The following P2RX5 variants were observed in gnomAD, a reference collection of about 807,000 sequenced individuals.
P2RX5 encodes the protein P2X purinoceptor 5.
P2RX5 carries 46 observed loss-of-function variants against 54.1 expected under a neutral mutation model. That is an observed-to-expected ratio of 0.85 (90% CI 0.67 to 1.09). P2RX5 has a LOEUF of 1.09. Among genes scored for constraint, P2RX5 ranks in the 50% least tolerant of loss-of-function variants. P2RX5 has a pLI of 0.00. For synonymous variants in P2RX5, 226 were observed against 226.4 expected, an observed-to-expected ratio of 1.00 and a Z score of 0.02; for missense variants, 566 against 549.8, an observed-to-expected ratio of 1.03 and a Z score of -0.29.
the P2RX5 span, among the ~76,000 whole-genome samples, chr17:3,712,782 A>G: frequency 6.6e-6 from 1 of 152,064 alleles, no homozygotes; most frequent in African/African-American, 2.4e-5. Context: ...ATCTCTACTA[A>G]AAGTGCAAAA....
chr17:3,675,972 G>A, intron 11 of P2RX5: 2 of 985,362 alleles, frequency 2.0e-6, no homozygotes, highest in Non-Finnish European at 2.4e-6. Flanking sequence ...CCATGTCCCT[G>A]GGCCCCTGAC....
At chr17:3,681,763 A>G (rs1401211538) in intron 10 of P2RX5, 133 bp downstream of exon 10, 1 of 716,838 alleles carries the variant, frequency 1.4e-6, no homozygotes, top group Non-Finnish European at 2.5e-6. Flanking sequence ...TACTCAGAAC[A>G]CTTCTCCTCC....
chr17:3,699,781 G>A (rs1396076752), upstream of P2RX5, among the ~76,000 whole-genome samples: 2 of 148,238 alleles, frequency 1.3e-5, no homozygotes, highest in Non-Finnish European at 1.5e-5. Context: ...CTCCAGCCTG[G>A]GTGACAGAGT....
chr17:3,692,189 C>T (rs1200726986), intron 1 of P2RX5, among the ~76,000 whole-genome samples: 4 of 150,472 alleles, frequency 2.7e-5, no homozygotes, highest in African/African-American at 4.9e-5. Flanking sequence ...TGGTGGTGGG[C>T]GCCTGTAGTC....
At chr17:3,696,235 A>C, upstream of P2RX5, 1 of 321,798 alleles carries the variant, frequency 3.1e-6, no homozygotes. Flanking sequence ...CGAGCACCGG[A>C]ACCTCAGACC....
At chr17:3,720,788 G>A in the P2RX5 span, among the ~76,000 whole-genome samples, 3 of 152,096 alleles carry the variant, frequency 2.0e-5, no homozygotes, top group South Asian at 6.2e-4. Context: ...TTGCCATGTT[G>A]GCCAGGCTTG....
the P2RX5 span, among the ~76,000 whole-genome samples, chr17:3,713,032 C>CG: frequency 6.6e-6 from 1 of 151,916 alleles, no homozygotes; most frequent in Admixed American, 6.6e-5. Context: ...TCTAAACAGT[C>CG]GGGGGAAAAA....
In P2RX5 at chr17:3,688,551, A is replaced by G; in HGVS notation, c.887+75T>C. On this transcript the variant is annotated intron_variant, in intron 8 of 11. Coordinates refer to ENST00000225328, the MANE Select transcript of P2RX5 (RefSeq NM_002561.4). ...ACACCCACCCCCAGGAAGGGGCCTCAATAGTGCTGGCACCCAGATGAGTGA... is the reference window on the plus strand; with the variant it reads ...ACACCCACCCCCAGGAAGGGGCCTCGATAGTGCTGGCACCCAGATGAGTGA... 8 of 1,543,184 alleles carry G rather than the reference A, an allele frequency of 5.2e-6. No homozygotes were observed. The East Asian group carries it at 1.6e-4, about 30-fold the overall frequency.
chr17:3,719,235 C>CAAAAAAA, the P2RX5 span, among the ~76,000 whole-genome samples: 4 of 66,206 alleles, frequency 6.0e-5, no homozygotes, highest in African/African-American at 2.3e-4. Flanking sequence ...GATTCTTCCT[C>CAAAAAAA]AAAAAAAAAA....
upstream of P2RX5, among the ~76,000 whole-genome samples, chr17:3,699,853 A>AAAAGAAAGAAAGAAAG (rs752465811): frequency 2.8e-3 from 227 of 80,806 alleles, 13 homozygotes; most frequent in East Asian, 7.4e-3. Context: ...AGAAAAAGAA[A>AAAAGAAAGAAAGAAAG]AAAGAAAGAA....
the P2RX5 span, among the ~76,000 whole-genome samples, chr17:3,707,657 C>T: frequency 6.6e-6 from 1 of 152,236 alleles, no homozygotes; most frequent in East Asian, 1.9e-4. Context: ...AGACCCCCCT[C>T]TCGGCCCTGG....
chr17:3,711,928 G>A, the P2RX5 span, among the ~76,000 whole-genome samples: 1 of 126,076 alleles, frequency 7.9e-6, no homozygotes, highest in East Asian at 2.1e-4. Context: ...TCCTCATTAA[G>A]TAGTTCCTGA....
chr17:3,681,927 A>C lies in P2RX5; in HGVS notation c.1033T>G (p.Phe345Val), dbSNP rs1567731738. 6.2e-7 allele frequency: 1 copy of C among 1,613,574 alleles called. No homozygotes were observed. Among genetic ancestry groups the C allele is most frequent in the Non-Finnish European group, 8.5e-7 (1 of 1,179,700 alleles). The change falls in exon 10 of 12, where the codon TTT (phenylalanine) becomes GTT (valine). Residue 345 changes from phenylalanine to valine, a missense_variant. Coordinates refer to ENST00000225328, the MANE Select transcript of P2RX5 (RefSeq NM_002561.4). The part of the protein sequence containing the change: ...VLIYLIKKRE[F>V]YRDKKYEEVR... The stretch of plus-strand genomic sequence containing the variant: ...TCCTCGTACTTCTTGTCACGGTAAA[A>C]CTCTCTCTTTTTGATGAGGTAGATG...
At chr17:3,675,740 A>C in intron 11 of P2RX5, 1 of 654,528 alleles carries the variant, frequency 1.5e-6, no homozygotes. Flanking sequence ...TTTAGTAGAG[A>C]TGGGGTTTTG....
chr17:3,676,648 G>A lies in P2RX5; in HGVS notation c.1260-2771C>T, dbSNP rs556610156. 2.3e-5 allele frequency: 22 copies of A among 973,752 alleles called. No homozygotes were observed. In the East Asian group the frequency reaches 2.1e-3, roughly 91 times the overall value. 60.3% of individuals were successfully genotyped at this position (973,752 alleles called of 1,614,324 possible). The stretch of plus-strand genomic sequence containing the variant: ...CCCTGAGAACCAGGGCTTCTTAAAT[G>A]TCACTGTGCACACAGATCACCTTGG... On this transcript the variant is annotated intron_variant, in intron 11 of 11. Transcript: ENST00000225328.
chr17:3,714,622 C>T, the P2RX5 span: 1 of 417,872 alleles, frequency 2.4e-6, no homozygotes, highest in South Asian at 5.7e-5. Flanking sequence ...AGATTAAAGG[C>T]ACTACTGCAA....
chr17:3,705,445 T>G, the P2RX5 span, among the ~76,000 whole-genome samples: 2 of 152,146 alleles, frequency 1.3e-5, no homozygotes, highest in Non-Finnish European at 2.9e-5. Flanking sequence ...GGTGGATCTC[T>G]CCTCTGTTCT....
chr17:3,718,619 C>G, the P2RX5 span, among the ~76,000 whole-genome samples: 7 of 152,200 alleles, frequency 4.6e-5, no homozygotes, highest in African/African-American at 1.7e-4. Flanking sequence ...CTACTTAACA[C>G]TTTGCTTAGG....
intron 9 of P2RX5, among the ~76,000 whole-genome samples, chr17:3,685,035 A>G (rs1477034991): frequency 6.6e-6 from 1 of 151,950 alleles, no homozygotes; most frequent in Non-Finnish European, 1.5e-5. Flanking sequence ...TAGTAGAGGC[A>G]GGGTTTCTCC....
Sources: allele counts gnomAD v4.1 joint callset (sites outside exome capture counted in the v4.1 genomes callset), GRCh38; gene constraint gnomAD v4.1.1; transcripts MANE v1.5; gene names NCBI Gene and HGNC (gene_info 2026-07-23, HGNC 2026-07-21).